Variants in DLG2 observed in about 807,000 individuals in gnomAD.
The protein encoded by DLG2 is disks large homolog 2.
In DLG2, 45 loss-of-function variants were observed where a neutral mutation model predicts 132.5. The ratio of observed to expected loss-of-function variants is 0.34; its 90% CI spans 0.27 to 0.44. The LOEUF (loss-of-function observed/expected upper bound fraction) is 0.44, where lower values mean the gene tolerates loss of function less well. DLG2 is among the 20% of genes least tolerant of loss of function. The pLI is 1.00. For synonymous variants in DLG2, 424 were observed against 419.6 expected (o/e 1.01, Z -0.13); for missense variants, 1,045 against 1,196.9 (o/e 0.87, Z 1.87).
At chr11:84,782,723 G>C (rs890501417) in intron 6 of DLG2, among the ~76,000 whole-genome samples, 1 of 152,066 alleles carries the variant, frequency 6.6e-6, no homozygotes, top group East Asian at 1.9e-4. Flanking sequence ...GATAGGGATG[G>C]CTCTATCATA....
chr11:84,807,748 C>T (rs983912018), intron 6 of DLG2, among the ~76,000 whole-genome samples: 4 of 152,030 alleles, frequency 2.6e-5, no homozygotes, highest in Non-Finnish European at 1.5e-5. Flanking sequence ...AAGAAAGTTA[C>T]CAGATCAGAA....
At chr11:83,959,688 T>C (rs1398292475) in intron 14 of DLG2, among the ~76,000 whole-genome samples, 1 of 152,094 alleles carries the variant, frequency 6.6e-6, no homozygotes. Context: ...TGTTCAGAGT[T>C]ATCTAGGTAG....
At chr11:85,252,976 T>A (rs967623261) in intron 4 of DLG2, among the ~76,000 whole-genome samples, 9 of 152,196 alleles carry the variant, frequency 5.9e-5, no homozygotes, top group Non-Finnish European at 8.8e-5. Flanking sequence ...TCAAATTTTT[T>A]AAAAAATTCT....
At chr11:85,066,551 C>T (rs572562606) in intron 6 of DLG2, among the ~76,000 whole-genome samples, 5 of 151,698 alleles carry the variant, frequency 3.3e-5, no homozygotes, top group African/African-American at 1.2e-4. Flanking sequence ...CAACAAAATA[C>T]TAGCAAATTG....
intron 11 of DLG2, among the ~76,000 whole-genome samples, chr11:84,046,109 T>C (rs903029800): frequency 7.9e-5 from 12 of 151,714 alleles, no homozygotes; most frequent in African/African-American, 2.9e-4. Flanking sequence ...CCTGGGCATA[T>C]ATTTATAGTA....
At chr11:84,365,132 C>A (rs1363884385) in intron 7 of DLG2, among the ~76,000 whole-genome samples, 3 of 152,064 alleles carry the variant, frequency 2.0e-5, no homozygotes, top group Non-Finnish European at 4.4e-5. Context: ...GCTGTGAATC[C>A]ATCTGGTCCT....
chr11:84,051,994 G>T (rs745541994), intron 11 of DLG2, among the ~76,000 whole-genome samples: 1 of 151,802 alleles, frequency 6.6e-6, no homozygotes, highest in Non-Finnish European at 1.5e-5. Context: ...TCAAAAGCAG[G>T]AGTAGGTCAT....
chr11:85,505,923 T>G (rs1031307374), intron 3 of DLG2, among the ~76,000 whole-genome samples: 4 of 152,098 alleles, frequency 2.6e-5, no homozygotes, highest in Non-Finnish European at 5.9e-5. Flanking sequence ...TTCAGGGATT[T>G]AACTTCTTCC....
intron 9 of DLG2, among the ~76,000 whole-genome samples, chr11:84,102,641 G>A (rs1373726522): frequency 6.6e-6 from 1 of 152,104 alleles, no homozygotes; most frequent in South Asian, 2.1e-4. Context: ...GTCACTGGGC[G>A]TGAAGGACCC....
At chr11:83,977,526 T>TA (rs1052344874) in intron 12 of DLG2, among the ~76,000 whole-genome samples, 3 of 152,082 alleles carry the variant, frequency 2.0e-5, no homozygotes, top group Non-Finnish European at 2.9e-5. Context: ...TTTTTGCCCT[T>TA]AAGTAGTTTT....
At chr11:83,922,008 C>G (rs74555448) in intron 15 of DLG2, among the ~76,000 whole-genome samples, 16,086 of 152,104 alleles carry the variant, frequency 0.11, 1,272 homozygotes, top group African/African-American at 0.22. Context: ...CCTGACTCTA[C>G]CTGCCTGGGT....
chr11:83,504,712 G>T (rs901965907), intron 21 of DLG2, among the ~76,000 whole-genome samples: 1 of 152,142 alleles, frequency 6.6e-6, no homozygotes, highest in African/African-American at 2.4e-5. Flanking sequence ...TGGATCACTA[G>T]GAGTGATGGT....
At chr11:84,585,388 C>G (rs1388258634) in intron 6 of DLG2, among the ~76,000 whole-genome samples, 2 of 152,082 alleles carry the variant, frequency 1.3e-5, no homozygotes, top group Admixed American at 1.3e-4. Context: ...TTATCTAATC[C>G]TGAAACCACA....
chr11:84,403,676 G>A (rs1480936817), intron 7 of DLG2, among the ~76,000 whole-genome samples: 1 of 152,118 alleles, frequency 6.6e-6, no homozygotes, highest in Admixed American at 6.5e-5. Flanking sequence ...ATAGTTAAAT[G>A]TCCAAACTCT....
intron 3 of DLG2, among the ~76,000 whole-genome samples, chr11:85,506,043 TTTC>T (rs1341051795): frequency 6.6e-6 from 1 of 152,238 alleles, no homozygotes; most frequent in East Asian, 1.9e-4. Context: ...GTAGTTTGTA[TTTC>T]TGTGGGATCA....
At chr11:83,924,375 A>G (rs1298027484) in intron 15 of DLG2, among the ~76,000 whole-genome samples, 1 of 152,146 alleles carries the variant, frequency 6.6e-6, no homozygotes, top group Non-Finnish European at 1.5e-5. Flanking sequence ...TGACTTTAAA[A>G]ACTCATTTAA....
At chr11:84,210,297 A>C (rs1261957771) in intron 8 of DLG2, among the ~76,000 whole-genome samples, 1 of 150,328 alleles carries the variant, frequency 6.7e-6, no homozygotes, top group Non-Finnish European at 1.5e-5. Flanking sequence ...AAATTAAATT[A>C]ATTAATTAAT....
intron 4 of DLG2, among the ~76,000 whole-genome samples, chr11:85,262,717 TG>T (rs368734364): frequency 5.1e-4 from 78 of 152,308 alleles, no homozygotes; most frequent in Non-Finnish European, 8.2e-4. Context: ...ACATAAGATC[TG>T]GAAAAACTTT....
At chr11:85,438,191 A>G (rs2091591845) in intron 3 of DLG2, among the ~76,000 whole-genome samples, 1 of 152,134 alleles carries the variant, frequency 6.6e-6, no homozygotes, top group Non-Finnish European at 1.5e-5. Flanking sequence ...GAACTCACTC[A>G]TTACCCTAAG....
Sources: gnomAD v4.1 joint callset for allele counts (sites outside exome capture counted in the v4.1 genomes callset) on GRCh38, gnomAD v4.1.1 for gene constraint, MANE v1.5 for transcripts, NCBI Gene and HGNC (gene_info 2026-07-23, HGNC 2026-07-21) for gene names.